Variants in ST7 observed in about 807,000 individuals in gnomAD.
ST7 encodes the protein suppressor of tumorigenicity 7 protein.
A neutral mutation model predicts 78.7 loss-of-function variants in ST7; 28 were observed. The ratio of observed to expected loss-of-function variants is 0.36; its 90% CI spans 0.26 to 0.49. ST7 has a LOEUF of 0.49. Ranked by LOEUF, ST7 falls within the 20% of genes least tolerant of loss-of-function variation. The pLI is 0.99. For synonymous variants in ST7, 247 were observed against 249.6 expected (o/e 0.99, Z 0.10); for missense variants, 418 against 696.0 (o/e 0.60, Z 4.49).
In ST7 at chr7:117,138,427, C is replaced by T. The variant is rs748474937; in HGVS notation, c.866-8C>T. 6 of 1,577,990 alleles carry T rather than the reference C, an allele frequency of 3.8e-6. No homozygotes were observed. The East Asian group carries it at 6.9e-5, about 18-fold the overall frequency. ...TTAAATGTTGGTGTTTTATATCTCCCTCTTCAGGACGAGACACCAATGTCT... is the reference window on the plus strand; with the variant it reads ...TTAAATGTTGGTGTTTTATATCTCCTTCTTCAGGACGAGACACCAATGTCT... On this transcript the variant is annotated splice_region_variant and splice_polypyrimidine_tract_variant and intron_variant, in intron 8 of 15. Coordinates refer to ENST00000323984, the MANE Select transcript of ST7 (RefSeq NM_001369598.1).
Position 117,190,777 on chromosome 7 carries a change from G to A in ST7, c.1152-57G>A, listed in dbSNP as rs1351433994. 4.0e-5 allele frequency: 58 copies of A among 1,435,434 alleles called. No homozygotes were observed. The highest frequency in any genetic ancestry group is 8.4e-5 in the African/African-American group (6 of 71,482). 88.9% of individuals were successfully genotyped at this position (1,435,434 alleles called of 1,614,324 possible). ...GGGCCCTAGATGTGTAGATGCTTCC[G>A]GGTTGATGCCCAAGCAGTGGTCCCA... On this transcript the variant is annotated intron_variant, in intron 11 of 15. Transcript: ENST00000323984. The surrounding 1 kb of genome is among the most constrained non-coding windows in gnomAD (Gnocchi z 5.2).
intron 1 of ST7, among the ~76,000 whole-genome samples, chr7:116,974,858 CA>C (rs1793618012): frequency 6.6e-6 from 1 of 152,104 alleles, no homozygotes; most frequent in Non-Finnish European, 1.5e-5. Context: ...TGCTTAGGTG[CA>C]AAATTTGAGG....
At chr7:117,187,669 TG>T (rs1448287280) in intron 10 of ST7, 1 of 152,236 alleles carries the variant, frequency 6.6e-6, no homozygotes, top group Non-Finnish European at 1.5e-5. Flanking sequence ...TCTTTCTTGT[TG>T]GGCAGCTAAG....
At chr7:116,983,191 C>T (rs1176140099) in intron 1 of ST7, among the ~76,000 whole-genome samples, 1 of 152,222 alleles carries the variant, frequency 6.6e-6, no homozygotes, top group Non-Finnish European at 1.5e-5. Context: ...AGCCACCACG[C>T]CCAGCCACGT....
chr7:117,074,706 G>T (rs1037763620), intron 1 of ST7: 11 of 152,244 alleles, frequency 7.2e-5, no homozygotes, highest in Admixed American at 6.5e-4. Flanking sequence ...TTGTAGTTCT[G>T]TCAGGTAAAG....
At chr7:117,215,511 C>T (rs559719241) in intron 13 of ST7, among the ~76,000 whole-genome samples, 188 of 152,316 alleles carry the variant, frequency 1.2e-3, no homozygotes, top group African/African-American at 4.4e-3. Context: ...GATGCCTTGA[C>T]CTCTGCTGTT....
At chr7:116,965,479 C>T (rs1258849279) in intron 1 of ST7, among the ~76,000 whole-genome samples, 1 of 151,946 alleles carries the variant, frequency 6.6e-6, no homozygotes, top group Non-Finnish European at 1.5e-5. Context: ...ACCTAGATAA[C>T]ACGTTGATGG....
chr7:116,989,014 A>G (rs942448510), intron 1 of ST7, among the ~76,000 whole-genome samples: 14 of 152,230 alleles, frequency 9.2e-5, no homozygotes, highest in African/African-American at 3.4e-4. Context: ...CAACAGAAAT[A>G]TGATATACAA....
chr7:117,174,054 C>A (rs1476022669), intron 10 of ST7, among the ~76,000 whole-genome samples: 1 of 152,184 alleles, frequency 6.6e-6, no homozygotes, highest in Admixed American at 6.5e-5. Context: ...TCATATACTC[C>A]TGTGTCCCCA....
At chr7:117,015,373 A>G (rs1795557587) in intron 1 of ST7, among the ~76,000 whole-genome samples, 1 of 152,242 alleles carries the variant, frequency 6.6e-6, no homozygotes, top group Admixed American at 6.5e-5. Context: ...ATATGTACAC[A>G]GTCTACAGAG....
intron 9 of ST7, chr7:117,146,417 C>A: frequency 6.6e-6 from 1 of 152,350 alleles, no homozygotes; most frequent in Non-Finnish European, 1.5e-5. Context: ...TCATACAGGG[C>A]TTATTGATCA....
intron 1 of ST7, among the ~76,000 whole-genome samples, chr7:117,054,939 G>T (rs1358911845): frequency 6.6e-6 from 1 of 152,178 alleles, no homozygotes; most frequent in Non-Finnish European, 1.5e-5. Flanking sequence ...TGGTAATGTG[G>T]TATAGGGAAC....
At chr7:117,093,760 T>C (rs1800818724) in intron 1 of ST7, among the ~76,000 whole-genome samples, 2 of 152,180 alleles carry the variant, frequency 1.3e-5, no homozygotes, top group Non-Finnish European at 2.9e-5. Flanking sequence ...TAATACATAT[T>C]ATTTGATGAG....
At chr7:116,966,416 A>G (rs984114451) in intron 1 of ST7, among the ~76,000 whole-genome samples, 1 of 151,826 alleles carries the variant, frequency 6.6e-6, no homozygotes, top group Non-Finnish European at 1.5e-5. Context: ...ACACCTGGCT[A>G]ATTTTTTTAT....
chr7:116,972,094 C>T, intron 1 of ST7: 1 of 532,482 alleles, frequency 1.9e-6, no homozygotes. Flanking sequence ...TAAAGGTCAG[C>T]TTCAGGCAGG....
intron 12 of ST7, among the ~76,000 whole-genome samples, chr7:117,205,135 TA>T (rs1358607584): frequency 2.0e-5 from 3 of 152,194 alleles, no homozygotes; most frequent in Non-Finnish European, 4.4e-5. Context: ...AATCTCCCAT[TA>T]AAATCAAATA....
chr7:117,185,871 T>G (rs1021287666), intron 10 of ST7, among the ~76,000 whole-genome samples: 2 of 152,170 alleles, frequency 1.3e-5, no homozygotes, highest in African/African-American at 4.8e-5. Flanking sequence ...TGCAGTTAGC[T>G]GAGATCGTGC....
At chr7:117,022,347 G>A (rs888429450) in intron 1 of ST7, among the ~76,000 whole-genome samples, 2 of 152,274 alleles carry the variant, frequency 1.3e-5, no homozygotes, top group South Asian at 4.1e-4. Context: ...AGTGGATATC[G>A]TGTTGAAAAT....
chr7:117,203,070 A>G (rs1811031684), intron 12 of ST7, among the ~76,000 whole-genome samples: 1 of 152,204 alleles, frequency 6.6e-6, no homozygotes, highest in South Asian at 2.1e-4. Flanking sequence ...AAAATTTTGT[A>G]TAAAAGTAAG....
Sources: allele counts gnomAD v4.1 joint callset (sites outside exome capture counted in the v4.1 genomes callset), GRCh38; gene constraint gnomAD v4.1.1; non-coding constraint Gnocchi (gnomAD v3.1); transcripts MANE v1.5; gene names NCBI Gene and HGNC (gene_info 2026-07-23, HGNC 2026-07-21).